The following TMEM132B variants were observed in gnomAD, a reference collection of about 807,000 sequenced individuals.
The protein encoded by TMEM132B is transmembrane protein 132B.
Under a neutral mutation model 90.8 loss-of-function variants are expected in TMEM132B, and 18 were observed. That is an observed-to-expected ratio of 0.20 (90% CI 0.14 to 0.29). TMEM132B has a LOEUF of 0.29. Ranked by LOEUF, TMEM132B falls within the 10% of genes least tolerant of loss-of-function variation. The pLI is 1.00. For synonymous variants in TMEM132B, 504 were observed against 523.3 expected (o/e 0.96, Z 0.50); for missense variants, 1,096 against 1,326.8 (o/e 0.83, Z 2.70).
chr12:125,507,044 G>A (rs554098392), intron 3 of TMEM132B, among the ~76,000 whole-genome samples: 1 of 152,328 alleles, frequency 6.6e-6, no homozygotes, highest in Admixed American at 6.5e-5. Context: ...ATGCTCCTAT[G>A]GAAGGTAATG....
At chr12:125,355,119 C>T (rs1413679620) in intron 2 of TMEM132B, among the ~76,000 whole-genome samples, 2 of 151,892 alleles carry the variant, frequency 1.3e-5, no homozygotes, top group Non-Finnish European at 2.9e-5. Flanking sequence ...TACTAAAGCT[C>T]TCTGGGTCAG....
chr12:125,206,972 G>C (rs771174568), intron 1 of TMEM132B, among the ~76,000 whole-genome samples: 15 of 152,200 alleles, frequency 9.9e-5, no homozygotes, highest in Non-Finnish European at 2.1e-4. Context: ...TTTGGAGTAA[G>C]AGCCCCGCCT....
chr12:125,271,814 T>TATATTGC (rs1448923616), intron 1 of TMEM132B, among the ~76,000 whole-genome samples: 1 of 151,952 alleles, frequency 6.6e-6, no homozygotes, highest in Non-Finnish European at 1.5e-5. Context: ...TTTGACCATA[T>TATATTGC]CTACAGTATT....
chr12:125,623,524 T>G (rs1301567929), intron 5 of TMEM132B, among the ~76,000 whole-genome samples: 1 of 151,968 alleles, frequency 6.6e-6, no homozygotes, highest in East Asian at 1.9e-4. Flanking sequence ...GGGAGTGAGA[T>G]AAGGTCAGGT....
intron 2 of TMEM132B, among the ~76,000 whole-genome samples, chr12:125,370,656 G>C (rs574323008): frequency 1.3e-5 from 2 of 152,088 alleles, no homozygotes; most frequent in Non-Finnish European, 2.9e-5. Context: ...CAATCCTCCC[G>C]CGTCAGCCTC....
At chr12:125,468,045 A>G (rs1881614795) in intron 3 of TMEM132B, among the ~76,000 whole-genome samples, 1 of 151,764 alleles carries the variant, frequency 6.6e-6, no homozygotes, top group Non-Finnish European at 1.5e-5. Context: ...TCTTTTGGCT[A>G]TTGTGAATAA....
chr12:125,477,781 GC>G (rs1216160195), intron 3 of TMEM132B, among the ~76,000 whole-genome samples: 1 of 152,176 alleles, frequency 6.6e-6, no homozygotes, highest in Non-Finnish European at 1.5e-5. Flanking sequence ...TGGGTGGACT[GC>G]CCCCTCAAGT....
intron 1 of TMEM132B, among the ~76,000 whole-genome samples, chr12:125,290,479 T>C (rs1412696924): frequency 6.6e-6 from 1 of 152,220 alleles, no homozygotes; most frequent in Non-Finnish European, 1.5e-5. Context: ...TAGCAATTTT[T>C]CTTAAGTTTG....
At chr12:125,249,542 T>C (rs1433446190) in intron 1 of TMEM132B, among the ~76,000 whole-genome samples, 12 of 152,212 alleles carry the variant, frequency 7.9e-5, no homozygotes, top group Non-Finnish European at 1.8e-4. Context: ...GTGGGTTAAC[T>C]TTACTATGAG....
At position 125,413,982 on chromosome 12, in the gene TMEM132B, T is replaced by C. The variant is rs186004491; in HGVS notation, c.960-1549T>C. ...AGCAGTGTATGAGGGTTCCAATTTCTCTACATCCTCACCAGCACTTAGTAT... is the reference window on the plus strand; with the variant it reads ...AGCAGTGTATGAGGGTTCCAATTTCCCTACATCCTCACCAGCACTTAGTAT... On this transcript the variant is annotated intron_variant, in intron 2 of 8. Coordinates refer to ENST00000682704, the MANE Select transcript of TMEM132B (RefSeq NM_001366854.1). 2.0e-5 allele frequency among the ~76,000 whole-genome samples: 3 copies of C among 152,338 alleles called. No homozygotes were observed. In the East Asian group the frequency reaches 5.8e-4, roughly 29 times the overall value.
At chr12:125,285,901 A>G (rs992835415) in intron 1 of TMEM132B, among the ~76,000 whole-genome samples, 2 of 152,186 alleles carry the variant, frequency 1.3e-5, no homozygotes, top group Non-Finnish European at 2.9e-5. Context: ...GAAGGTAAAC[A>G]TCCTTGACAG....
At chr12:125,650,495 T>C (rs1342351544) in intron 6 of TMEM132B, among the ~76,000 whole-genome samples, 188 bp from the exon 7 acceptor site, 1 of 152,092 alleles carries the variant, frequency 6.6e-6, no homozygotes, top group African/African-American at 2.4e-5. Flanking sequence ...AGAAAGCACA[T>C]CATCCTCATC....
intron 1 of TMEM132B, among the ~76,000 whole-genome samples, chr12:125,255,258 CCTCT>C (rs1020781158): frequency 2.0e-5 from 3 of 151,548 alleles, no homozygotes; most frequent in Admixed American, 1.3e-4. Flanking sequence ...TCTCTCTCCT[CCTCT>C]CTCTCTCTTT....
intron 5 of TMEM132B, among the ~76,000 whole-genome samples, chr12:125,596,210 G>T (rs764173045): frequency 6.6e-6 from 1 of 152,150 alleles, no homozygotes; most frequent in African/African-American, 2.4e-5. Flanking sequence ...AACGGATATG[G>T]ACTTTCAGAA....
chr12:125,260,332 G>C (rs4765235), intron 1 of TMEM132B, among the ~76,000 whole-genome samples: 92,484 of 151,896 alleles, frequency 0.61, 28,935 homozygotes, highest in African/African-American at 0.75. Context: ...CACCATTTAA[G>C]TGTGTACAAA....
chr12:125,239,003 T>TA (rs1874004182), intron 1 of TMEM132B, among the ~76,000 whole-genome samples: 2 of 152,270 alleles, frequency 1.3e-5, no homozygotes, highest in East Asian at 3.9e-4. Flanking sequence ...AGTTTCAGTC[T>TA]AATGTGGTAA....
At chr12:125,208,017 G>A in intron 1 of TMEM132B, among the ~76,000 whole-genome samples, 1 of 152,186 alleles carries the variant, frequency 6.6e-6, no homozygotes, top group Non-Finnish European at 1.5e-5. Flanking sequence ...CTAGCTAATG[G>A]CTACTGTGTT....
chr12:125,267,147 G>A (rs1007372658), intron 1 of TMEM132B, among the ~76,000 whole-genome samples: 5 of 152,088 alleles, frequency 3.3e-5, no homozygotes, highest in East Asian at 1.9e-4. Flanking sequence ...TTCCCTTCTC[G>A]TTTAACCATC....
intron 1 of TMEM132B, among the ~76,000 whole-genome samples, chr12:125,331,548 A>G (rs1876772761): frequency 6.6e-6 from 1 of 152,126 alleles, no homozygotes; most frequent in Non-Finnish European, 1.5e-5. Flanking sequence ...GTGGCTCACC[A>G]GGAAGAAGCT....
Sources: allele counts gnomAD v4.1 joint callset (sites outside exome capture counted in the v4.1 genomes callset), GRCh38; gene constraint gnomAD v4.1.1; transcripts MANE v1.5; gene names NCBI Gene and HGNC (gene_info 2026-07-23, HGNC 2026-07-21).